Variants in CNTN5 observed in about 807,000 individuals in gnomAD.
CNTN5 encodes the protein contactin-5.
Under a neutral mutation model 129.1 loss-of-function variants are expected in CNTN5, and 77 were observed. The ratio of observed to expected loss-of-function variants is 0.60; its 90% CI spans 0.50 to 0.72. CNTN5 has a LOEUF of 0.72. CNTN5 is among the 30% of genes least tolerant of loss of function. The pLI is 0.00. For synonymous variants in CNTN5, 509 were observed against 465.6 expected (o/e 1.09, Z -1.20); for missense variants, 1,478 against 1,328.8 (o/e 1.11, Z -1.75).
At chr11:99,652,090 A>T (rs1157986952) in intron 3 of CNTN5, among the ~76,000 whole-genome samples, 1 of 152,042 alleles carries the variant, frequency 6.6e-6, no homozygotes, top group African/African-American at 2.4e-5. Flanking sequence ...ACTAAAATCA[A>T]GATGTTGTCT....
chr11:99,702,795 T>C (rs373832663), intron 3 of CNTN5, among the ~76,000 whole-genome samples: 1 of 150,912 alleles, frequency 6.6e-6, no homozygotes, highest in Non-Finnish European at 1.5e-5. Flanking sequence ...TCCTATTCAG[T>C]GTTGAAATAT....
intron 3 of CNTN5, among the ~76,000 whole-genome samples, chr11:99,584,187 C>G (rs1949714092): frequency 6.6e-6 from 1 of 152,120 alleles, no homozygotes; most frequent in Non-Finnish European, 1.5e-5. Flanking sequence ...TTAAATTGTT[C>G]AACGTTGTTC....
intron 8 of CNTN5, among the ~76,000 whole-genome samples, chr11:99,967,292 A>G (rs896035680): frequency 1.3e-5 from 2 of 152,182 alleles, no homozygotes; most frequent in African/African-American, 4.8e-5. Context: ...TAGAAACACA[A>G]TCATTTTCCC....
intron 1 of CNTN5, among the ~76,000 whole-genome samples, chr11:99,262,453 A>G (rs1264121734): frequency 2.0e-5 from 3 of 151,974 alleles, no homozygotes; most frequent in Non-Finnish European, 4.4e-5. Context: ...TCTTCCCATT[A>G]TTTATTCTCT....
At chr11:99,786,910 C>CA (rs1014106985) in intron 3 of CNTN5, among the ~76,000 whole-genome samples, 4 of 151,860 alleles carry the variant, frequency 2.6e-5, no homozygotes, top group African/African-American at 4.8e-5. Context: ...CTCAGAATGC[C>CA]AAAAAAGTTA....
intron 3 of CNTN5, among the ~76,000 whole-genome samples, chr11:99,591,482 C>T (rs180828285): frequency 2.2e-3 from 341 of 151,806 alleles, no homozygotes; most frequent in Non-Finnish European, 3.0e-3. Context: ...AGACTACAGG[C>T]GCGTGCCACC....
chr11:99,404,252 A>C (rs1003337434), intron 2 of CNTN5, among the ~76,000 whole-genome samples: 2 of 149,794 alleles, frequency 1.3e-5, no homozygotes, highest in Admixed American at 6.7e-5. Context: ...GTGTATTTAT[A>C]AGTTAAGTTT....
chr11:99,522,028 T>A (rs999222895), intron 2 of CNTN5, among the ~76,000 whole-genome samples: 4 of 148,954 alleles, frequency 2.7e-5, no homozygotes, highest in African/African-American at 9.7e-5. Flanking sequence ...TAAAAAATCA[T>A]CTTCTATGAG....
At chr11:99,658,131 AGT>A (rs1310829370) in intron 3 of CNTN5, among the ~76,000 whole-genome samples, 1 of 152,170 alleles carries the variant, frequency 6.6e-6, no homozygotes, top group African/African-American at 2.4e-5. Context: ...CTAAAACAAG[AGT>A]GTGCAAACAC....
At chr11:99,941,334 A>G (rs1950430047) in intron 7 of CNTN5, among the ~76,000 whole-genome samples, 1 of 152,096 alleles carries the variant, frequency 6.6e-6, no homozygotes, top group African/African-American at 2.4e-5. Context: ...AACTTTACCC[A>G]ATATAATAGT....
chr11:99,611,431 G>A (rs974931184), intron 3 of CNTN5, among the ~76,000 whole-genome samples: 1 of 152,114 alleles, frequency 6.6e-6, no homozygotes, highest in Non-Finnish European at 1.5e-5. Flanking sequence ...TACTAAAGAC[G>A]TACAATTAAT....
At chr11:99,608,024 G>A (rs1168231337) in intron 3 of CNTN5, among the ~76,000 whole-genome samples, 136 of 141,694 alleles carry the variant, frequency 9.6e-4, no homozygotes, top group African/African-American at 3.1e-3. Context: ...TGGGTGCAGC[G>A]CACCAGCATG....
chr11:99,114,739 T>C (rs532076077), intron 1 of CNTN5, among the ~76,000 whole-genome samples: 4 of 152,168 alleles, frequency 2.6e-5, no homozygotes, highest in Admixed American at 2.0e-4. Context: ...CTCGTAAACA[T>C]TCATCTGTCA....
At chr11:100,070,010 T>TAC (rs1943845064) in intron 10 of CNTN5, among the ~76,000 whole-genome samples, 1 of 152,098 alleles carries the variant, frequency 6.6e-6, no homozygotes, top group Non-Finnish European at 1.5e-5. Context: ...GTTATATATA[T>TAC]ACACAGAGAG....
intron 3 of CNTN5, among the ~76,000 whole-genome samples, chr11:99,674,115 ATC>A (rs1355029033): frequency 6.6e-6 from 1 of 152,146 alleles, no homozygotes. Flanking sequence ...CTTTGTCAGC[ATC>A]TGTTATTTTT....
chr11:99,578,509 A>G (rs1280594711), intron 3 of CNTN5, among the ~76,000 whole-genome samples: 1 of 150,620 alleles, frequency 6.6e-6, no homozygotes, highest in Non-Finnish European at 1.5e-5. Flanking sequence ...TGACTTTTTA[A>G]TGATCGCCAT....
At chr11:100,071,177 T>C (rs1943907616) in intron 11 of CNTN5, among the ~76,000 whole-genome samples, 1 of 152,168 alleles carries the variant, frequency 6.6e-6, no homozygotes, top group South Asian at 2.1e-4. Flanking sequence ...AATAATTTTA[T>C]CTAGAATCGA....
chr11:99,666,260 G>A (rs1266060492), intron 3 of CNTN5, among the ~76,000 whole-genome samples: 1 of 152,110 alleles, frequency 6.6e-6, no homozygotes, highest in Non-Finnish European at 1.5e-5. Flanking sequence ...GAGCCACTGC[G>A]GCCAGTCAAA....
intron 1 of CNTN5, among the ~76,000 whole-genome samples, chr11:99,193,692 GA>G (rs755952205): frequency 6.6e-6 from 1 of 152,102 alleles, no homozygotes; most frequent in East Asian, 1.9e-4. Context: ...ATCCTGAGAT[GA>G]AAAAACAACC....
Sources: allele counts gnomAD v4.1 joint callset (sites outside exome capture counted in the v4.1 genomes callset), GRCh38; gene constraint gnomAD v4.1.1; transcripts MANE v1.5; gene names NCBI Gene and HGNC (gene_info 2026-07-23, HGNC 2026-07-21).